Variants in ECD observed in about 807,000 individuals in gnomAD.
ECD encodes protein ecdysoneless homolog.
In ECD, 59 loss-of-function variants were observed where a neutral mutation model predicts 77.2. The observed-to-expected ratio is 0.76, with a 90% confidence interval of 0.62 to 0.95. ECD has a LOEUF of 0.95. Ranked by LOEUF, ECD falls within the 40% of genes least tolerant of loss-of-function variation. The pLI is 0.00. For missense variants in ECD, 704 were observed against 763.4 expected (o/e 0.92, Z 0.92); for synonymous variants, 233 against 267.4 (o/e 0.87, Z 1.26).
chr10:73,166,830 G>C (rs1045717695), intron 1 of ECD, among the ~76,000 whole-genome samples: 1 of 152,084 alleles, frequency 6.6e-6, no homozygotes, highest in African/African-American at 2.4e-5. Flanking sequence ...GCTCCCATTT[G>C]TCCATTTTTG....
intron 13 of ECD, among the ~76,000 whole-genome samples, chr10:73,135,884 C>T (rs970135605): frequency 2.6e-5 from 4 of 151,982 alleles, no homozygotes; most frequent in Non-Finnish European, 4.4e-5. Context: ...TTAGATAAAT[C>T]TAATGTATGG....
intron 9 of ECD, 108 bp from the exon 10 acceptor site, chr10:73,139,845 GA>G: frequency 1.5e-6 from 1 of 654,444 alleles, no homozygotes; most frequent in Admixed American, 3.4e-5. Context: ...CTAATTTGGG[GA>G]GTGTTTTTTT....
intron 7 of ECD, among the ~76,000 whole-genome samples, chr10:73,151,459 T>C (rs1212441131): frequency 2.0e-5 from 3 of 151,552 alleles, no homozygotes; most frequent in Non-Finnish European, 4.4e-5. Flanking sequence ...CACACCAACA[T>C]GGCGCGTGTA....
At position 73,150,695 on chromosome 10, in the gene ECD, C is replaced by T. The variant is rs184496155; in HGVS notation, c.912+1598G>A. The stretch of plus-strand genomic sequence containing the variant: ...ATTTACAAGAAAAAAACAAACAACC[C>T]CATCAACAAGTGGGCAAAGGACATG... On this transcript the variant is annotated intron_variant, in intron 7 of 13. Coordinates refer to ENST00000372979, the MANE Select transcript of ECD (RefSeq NM_007265.3). Among the ~76,000 whole-genome samples the T allele has an allele frequency of 2.7e-4, 41 of 152,246 alleles. No homozygotes were observed. In the East Asian group the frequency reaches 7.9e-3, roughly 29 times the overall value.
At chr10:73,152,665 A>C (rs922604900) in intron 6 of ECD, among the ~76,000 whole-genome samples, 1 of 151,812 alleles carries the variant, frequency 6.6e-6, no homozygotes, top group Non-Finnish European at 1.5e-5. Flanking sequence ...TAATCCCAAC[A>C]CTTTGGGAGG....
intron 1 of ECD, among the ~76,000 whole-genome samples, chr10:73,166,280 A>G (rs1195035043): frequency 6.6e-6 from 1 of 152,212 alleles, no homozygotes; most frequent in East Asian, 1.9e-4. Flanking sequence ...GTGCTGCGAT[A>G]AACATGGGAG....
intron 9 of ECD, among the ~76,000 whole-genome samples, chr10:73,145,217 A>G (rs913182181): frequency 2.6e-5 from 4 of 152,268 alleles, no homozygotes; most frequent in Non-Finnish European, 5.9e-5. Context: ...TACAAAAATT[A>G]GCCAGACCTG....
chr10:73,134,993 T>C (rs1332892162), intron 13 of ECD, among the ~76,000 whole-genome samples, 180 bp from the exon 14 acceptor site: 2 of 152,140 alleles, frequency 1.3e-5, no homozygotes, highest in African/African-American at 4.8e-5. Context: ...CTAGCACACA[T>C]AATAAAACTT....
At chr10:73,147,772 T>C (rs1388513490) in intron 8 of ECD, among the ~76,000 whole-genome samples, 1 of 152,116 alleles carries the variant, frequency 6.6e-6, no homozygotes, top group Non-Finnish European at 1.5e-5. Context: ...TTTGCAATGT[T>C]ACCAGCAAGG....
At chr10:73,150,416 A>C (rs1843187354) in intron 7 of ECD, among the ~76,000 whole-genome samples, 1 of 152,250 alleles carries the variant, frequency 6.6e-6, no homozygotes, top group African/African-American at 2.4e-5. Context: ...AAAACCATAA[A>C]AACCCTAGAA....
chr10:73,165,353 TCTTTTC>T (rs1843441096), intron 1 of ECD, among the ~76,000 whole-genome samples: 1 of 152,014 alleles, frequency 6.6e-6, no homozygotes, highest in Non-Finnish European at 1.5e-5. Context: ...CTTTTCTTTT[TCTTTTC>T]TTTTTTTTTT....
intron 7 of ECD, 81 bp downstream of exon 7, chr10:73,152,212 G>A (rs1843219354): frequency 1.3e-6 from 2 of 1,501,426 alleles, no homozygotes; most frequent in African/African-American, 1.4e-5. Flanking sequence ...TGTATTTCTG[G>A]ACTTTGTATA....
At position 73,134,111 on chromosome 10, in the gene ECD, A is replaced by G. The variant is rs573241254; in HGVS notation, c.*472T>C. On this transcript the variant is annotated 3_prime_UTR_variant, in exon 14 of 14. Transcript: ENST00000372979. ...GTTCTATATCTTGCTTCAGGTACATACATACATGCAAAAATTCACTGACTG... is the reference window on the plus strand; with the variant it reads ...GTTCTATATCTTGCTTCAGGTACATGCATACATGCAAAAATTCACTGACTG... The G allele has an allele frequency of 6.3e-6, 1 of 157,824 alleles. No individual in the cohort carries two copies. The highest frequency in any genetic ancestry group is 1.8e-4 in the South Asian group (1 of 5,492). 9.8% of individuals were successfully genotyped at this position (157,824 alleles called of 1,614,324 possible). A position where few individuals can be genotyped will look rare whatever the true frequency, so the allele number is the denominator to read the frequency against.
intron 9 of ECD, among the ~76,000 whole-genome samples, chr10:73,144,280 T>C (rs1026978927): frequency 6.6e-6 from 1 of 152,184 alleles, no homozygotes; most frequent in African/African-American, 2.4e-5. Context: ...GGAAAGTCTA[T>C]GATATTATAC....
At chr10:73,137,883 T>C in intron 12 of ECD, 120 bp downstream of exon 12, 2 of 687,596 alleles carry the variant, frequency 2.9e-6, no homozygotes, top group Non-Finnish European at 4.4e-6. Flanking sequence ...TGAAAGCAAC[T>C]CAAACCAGGA....
In ECD at chr10:73,148,338, C is replaced by A; in HGVS notation, c.979G>T (p.Val327Leu). ...PHFSDCKKSLVTASPLWASFL... is the reference protein window; with the variant it reads ...PHFSDCKKSLLTASPLWASFL... ...CTGGCCCAGAGTGGTGAGGCAGTCA[C>A]AAGGGATTTCTTGCAGTCAGAAAAA... The change falls in exon 8 of 14, where the codon GTG becomes TTG. Residue 327 changes from valine (V) to leucine (L), a missense_variant. Physicochemically the swap from Val to Leu is conservative, Grantham distance 32. This residue lies in a region of ECD where 559 missense variants were observed against 583.7 expected (regional missense o/e 0.96). Transcript: ENST00000372979. 1.2e-6 allele frequency: 2 copies of A among 1,613,874 alleles called. No homozygotes were observed. Among genetic ancestry groups the A allele is most frequent in the South Asian group, 2.2e-5 (2 of 91,040 alleles).
At chr10:73,135,221 T>TC (rs1842962285) in intron 13 of ECD, among the ~76,000 whole-genome samples, 1 of 152,090 alleles carries the variant, frequency 6.6e-6, no homozygotes, top group South Asian at 2.1e-4. Flanking sequence ...TTCCTTTCTT[T>TC]CCCCCCAGTG....
At position 73,136,868 on chromosome 10, in the gene ECD, C is replaced by T. The variant is rs753571418; in HGVS notation, c.1540G>A (p.Glu514Lys). The change falls in exon 13 of 14, where the codon GAA becomes AAA. Residue 514 changes from glutamate to lysine, a missense_variant. Glu to Lys is a moderately conservative substitution (Grantham distance 56). Coordinates refer to ENST00000372979, the MANE Select transcript of ECD (RefSeq NM_007265.3). ...AAGTCATCATCACTATCTAAACATT[C>T]AAAGTCTTCATCATCCAGATCATCA... Reference protein sequence around the residue: ...DSDDLDDEDFECLDSDDDLDF... With the variant: ...DSDDLDDEDFKCLDSDDDLDF... 11 of 1,613,884 alleles carry T rather than the reference C, an allele frequency of 6.8e-6. No individual in the cohort carries two copies. Among genetic ancestry groups the T allele is most frequent in the Non-Finnish European group, 1.7e-6 (2 of 1,180,000 alleles).
intron 3 of ECD, among the ~76,000 whole-genome samples, chr10:73,159,128 T>A (rs971831920): frequency 6.6e-6 from 1 of 152,222 alleles, no homozygotes; most frequent in African/African-American, 2.4e-5. Context: ...AAGGTTTTTT[T>A]CTCCCTTCTA....
Sources: allele counts gnomAD v4.1 joint callset (sites outside exome capture counted in the v4.1 genomes callset), GRCh38; gene constraint gnomAD v4.1.1; regional missense constraint gnomAD v4.1.1; transcripts MANE v1.5; gene names NCBI Gene and HGNC (gene_info 2026-07-23, HGNC 2026-07-21).